Variants in SOCS5 observed in about 807,000 individuals in gnomAD.
SOCS5 encodes suppressor of cytokine signaling 5, also known as CIS-6.
SOCS5 carries 32 observed loss-of-function variants against 42.8 expected under a neutral mutation model. The ratio of observed to expected loss-of-function variants is 0.75; its 90% confidence interval spans 0.56 to 1.01. The LOEUF is 1.01. SOCS5 is among the 50% of genes least tolerant of loss of function. SOCS5 has a pLI of 0.00. For missense variants in SOCS5, 627 were observed against 653.0 expected, an observed-to-expected ratio of 0.96 and a Z score of 0.43; for synonymous variants, 283 against 229.6, an observed-to-expected ratio of 1.23 and a Z score of -2.10.
intron 1 of SOCS5, among the ~76,000 whole-genome samples, chr2:46,748,747 T>C (rs2103752379): frequency 6.6e-6 from 1 of 152,312 alleles, no homozygotes; most frequent in South Asian, 2.1e-4. Flanking sequence ...TTTTATTTAT[T>C]TTAGTCCTTA....
intron 1 of SOCS5, among the ~76,000 whole-genome samples, chr2:46,712,935 T>C (rs1364019595): frequency 2.7e-4 from 41 of 152,336 alleles, no homozygotes; most frequent in Non-Finnish European, 2.9e-5. Flanking sequence ...TTTCCTCTTA[T>C]TTTGTGGAAG....
chr2:46,729,079 A>G (rs1313651107), intron 1 of SOCS5, among the ~76,000 whole-genome samples: 1 of 152,224 alleles, frequency 6.6e-6, no homozygotes, highest in East Asian at 1.9e-4. Context: ...GCTTAATTTG[A>G]GAACCATTTA....
chr2:46,731,896 A>G (rs539885412), intron 1 of SOCS5, among the ~76,000 whole-genome samples: 5 of 152,352 alleles, frequency 3.3e-5, no homozygotes, highest in African/African-American at 9.6e-5. Context: ...AAAGACCTGA[A>G]GTTTGCATGT....
chr2:46,705,722 C>G (rs1672447475), intron 1 of SOCS5, among the ~76,000 whole-genome samples: 1 of 152,158 alleles, frequency 6.6e-6, no homozygotes, highest in South Asian at 2.1e-4. Flanking sequence ...CAGTCCAACC[C>G]CATTATCCTT....
At chr2:46,750,437 C>G (rs535120261) in intron 1 of SOCS5, among the ~76,000 whole-genome samples, 1 of 152,116 alleles carries the variant, frequency 6.6e-6, no homozygotes, top group South Asian at 2.1e-4. Context: ...TCACACATGA[C>G]TCTTAATTTG....
chr2:46,716,738 A>C (rs1180978773), intron 1 of SOCS5, among the ~76,000 whole-genome samples: 2 of 152,104 alleles, frequency 1.3e-5, no homozygotes, highest in East Asian at 3.9e-4. Context: ...AGCCTCCCCA[A>C]ATGCTGGGAT....
intron 1 of SOCS5, among the ~76,000 whole-genome samples, chr2:46,756,748 A>G (rs1040348063): frequency 1.3e-5 from 2 of 152,230 alleles, no homozygotes; most frequent in Admixed American, 6.5e-5. Flanking sequence ...AACATCTACA[A>G]AGATAATGGA....
intron 1 of SOCS5, among the ~76,000 whole-genome samples, chr2:46,747,949 T>C (rs1673540894): frequency 1.3e-5 from 2 of 152,342 alleles, no homozygotes; most frequent in South Asian, 4.1e-4. Flanking sequence ...AAAGATTTCT[T>C]GATTGTCCTA....
In SOCS5 at chr2:46,759,562, T is replaced by C. The variant is rs1673812616; in HGVS notation, c.1032T>C (p.Ser344=). 1 of 1,613,972 alleles carries C rather than the reference T, an allele frequency of 6.2e-7. No homozygotes were observed. The highest frequency in any genetic ancestry group is 1.3e-5 in the African/African-American group (1 of 75,040). ...GGAGGCAGAAGCAGCGTCAGATATC[T>C]GGAGACAGCCATACCCATGTTAGCA... The part of the protein sequence containing the change: ...QSRRQKQRQI[S]GDSHTHVSRQ... Residue 344 remains serine, a synonymous_variant, in exon 2 of 2, where the codon TCT becomes TCC. Coordinates refer to ENST00000394861, the MANE Select transcript of SOCS5 (RefSeq NM_144949.3).
chr2:46,728,995 A>G (rs1572837924), intron 1 of SOCS5, among the ~76,000 whole-genome samples: 2 of 152,296 alleles, frequency 1.3e-5, no homozygotes, highest in East Asian at 1.9e-4. Context: ...TCTACCTCAG[A>G]TCTACTGAAT....
intron 1 of SOCS5, among the ~76,000 whole-genome samples, chr2:46,700,677 C>G (rs1368043638): frequency 1.3e-5 from 2 of 152,108 alleles, no homozygotes; most frequent in Non-Finnish European, 2.9e-5. Flanking sequence ...AATTGGTAAT[C>G]TTAATGTCAG....
rs1261821350 is a variant in SOCS5, at chr2:46,761,886, T to C, written c.*1745T>C. 1 of 166,984 alleles carries C rather than the reference T, an allele frequency of 6.0e-6. No individual in the cohort carries two copies. The highest frequency in any genetic ancestry group is 1.5e-5 in the Non-Finnish European group (1 of 68,074). The allele number at this position is 166,984 out of a possible 1,614,324, so 10.3% of individuals were successfully genotyped here. On this transcript the variant is annotated 3_prime_UTR_variant, in exon 2 of 2. Transcript: ENST00000394861. ...AACTGACAGAGAAGTAATAAACCTA[T>C]TGATTTCTCTGCTTATAAATGAAAG...
intron 1 of SOCS5, among the ~76,000 whole-genome samples, chr2:46,706,801 C>T (rs575743885): frequency 5.3e-5 from 8 of 152,088 alleles, no homozygotes; most frequent in Admixed American, 4.6e-4. Flanking sequence ...AGAGATCAGC[C>T]GGTGAAGAGG....
intron 1 of SOCS5, among the ~76,000 whole-genome samples, chr2:46,723,531 A>C (rs1217328055): frequency 6.6e-6 from 1 of 152,076 alleles, no homozygotes; most frequent in Non-Finnish European, 1.5e-5. Flanking sequence ...CCTATTGTTT[A>C]GGGAAAGACT....
chr2:46,730,605 G>A (rs920707914), intron 1 of SOCS5, among the ~76,000 whole-genome samples: 14 of 152,140 alleles, frequency 9.2e-5, no homozygotes, highest in Non-Finnish European at 1.8e-4. Flanking sequence ...GTCTCAAAAA[G>A]ATTGAATGGC....
intron 1 of SOCS5, among the ~76,000 whole-genome samples, chr2:46,706,977 A>T (rs1017242609): frequency 6.6e-6 from 1 of 152,246 alleles, no homozygotes; most frequent in Non-Finnish European, 1.5e-5. Flanking sequence ...GAGTAAGTAT[A>T]TGTAAAAATG....
chr2:46,708,994 C>T (rs1336839201), intron 1 of SOCS5, among the ~76,000 whole-genome samples: 1 of 149,414 alleles, frequency 6.7e-6, no homozygotes, highest in Non-Finnish European at 1.5e-5. Flanking sequence ...TCAACAGATT[C>T]TCCTGCCTCA....
chr2:46,760,720 A>C lies in SOCS5; in HGVS notation c.*579A>C, dbSNP rs1673848715. On this transcript the variant is annotated 3_prime_UTR_variant, in exon 2 of 2. Transcript: ENST00000394861. ...TCAGACGCCTTTTCTCTTCTGCAAA[A>C]GGTACTGTTAAGTAAACCAGATTTT... 1 of 167,114 alleles carries C rather than the reference A, an allele frequency of 6.0e-6. No individual in the cohort carries two copies. The highest frequency in any genetic ancestry group is 2.4e-5 in the African/African-American group (1 of 41,420). 10.4% of individuals were successfully genotyped at this position (167,114 alleles called of 1,614,324 possible).
chr2:46,718,534 T>G (rs1672804520), intron 1 of SOCS5, among the ~76,000 whole-genome samples: 1 of 152,208 alleles, frequency 6.6e-6, no homozygotes, highest in Non-Finnish European at 1.5e-5. Flanking sequence ...TGGGTATCTT[T>G]TATTGCACAT....
Sources: allele counts gnomAD v4.1 joint callset (sites outside exome capture counted in the v4.1 genomes callset), GRCh38; gene constraint gnomAD v4.1.1; transcripts MANE v1.5; gene names NCBI Gene and HGNC (gene_info 2026-07-23, HGNC 2026-07-21).